MAP3K20: variants seen among roughly 807,000 people sequenced by gnomAD.
MAP3K20 encodes the protein mitogen-activated protein kinase kinase kinase 20.
Under a neutral mutation model 85.7 loss-of-function variants are expected in MAP3K20, and 40 were observed. The observed-to-expected ratio is 0.47, with a 90% CI of 0.36 to 0.61. MAP3K20 has a LOEUF of 0.61. MAP3K20 is among the 20% of genes least tolerant of loss of function. The pLI, the probability that MAP3K20 is intolerant of heterozygous loss-of-function variation, is 0.00. For missense variants in MAP3K20, 817 were observed against 961.7 expected, an observed-to-expected ratio of 0.85 and a Z score of 1.99; for synonymous variants, 325 against 327.7, an observed-to-expected ratio of 0.99 and a Z score of 0.09.
chr2:173,158,387 G>C (rs1052047325), intron 2 of MAP3K20, among the ~76,000 whole-genome samples: 2 of 152,108 alleles, frequency 1.3e-5, no homozygotes, highest in Non-Finnish European at 2.9e-5. Context: ...CAGGTGACCT[G>C]GCATCAGACT....
chr2:173,134,656 A>G (rs1417766360), intron 2 of MAP3K20, among the ~76,000 whole-genome samples: 1 of 151,166 alleles, frequency 6.6e-6, no homozygotes, highest in Non-Finnish European at 1.5e-5. Flanking sequence ...CTGGAGCTAC[A>G]TACATTGGAA....
intron 2 of MAP3K20, among the ~76,000 whole-genome samples, chr2:173,142,483 A>T (rs1274160524): frequency 6.6e-6 from 1 of 152,080 alleles, no homozygotes; most frequent in Non-Finnish European, 1.5e-5. Flanking sequence ...AAAAAAAAAA[A>T]AAAGTAGTAT....
intron 2 of MAP3K20, among the ~76,000 whole-genome samples, chr2:173,146,537 A>G (rs1445346643): frequency 1.3e-5 from 2 of 152,282 alleles, no homozygotes; most frequent in South Asian, 4.1e-4. Flanking sequence ...AAAGAAATCC[A>G]TATTCATCAA....
At chr2:173,171,114 A>G (rs1387316191) in intron 3 of MAP3K20, among the ~76,000 whole-genome samples, 5 of 152,180 alleles carry the variant, frequency 3.3e-5, no homozygotes, top group Non-Finnish European at 7.4e-5. Context: ...TCTTGAGTCT[A>G]TATTTCTTAT....
At chr2:173,167,999 C>T (rs184791585) in intron 2 of MAP3K20, among the ~76,000 whole-genome samples, 1 of 152,142 alleles carries the variant, frequency 6.6e-6, no homozygotes, top group Admixed American at 6.5e-5. Flanking sequence ...AACAGTTGGT[C>T]CTACCACTTA....
At chr2:173,229,650 T>A in intron 11 of MAP3K20, 39 bp from the exon 12 acceptor site, 2 of 1,612,392 alleles carry the variant, frequency 1.2e-6, no homozygotes, top group Non-Finnish European at 1.7e-6. Context: ...AATGATAATA[T>A]TACTTTTTTT....
At chr2:173,180,295 C>CT (rs1200866933) in intron 3 of MAP3K20, among the ~76,000 whole-genome samples, 6 of 152,124 alleles carry the variant, frequency 3.9e-5, no homozygotes, top group Non-Finnish European at 1.5e-5. Flanking sequence ...AATTAAAATT[C>CT]TAGGGAAAAA....
chr2:173,174,929 T>C (rs1215489721), intron 3 of MAP3K20, among the ~76,000 whole-genome samples: 3 of 152,208 alleles, frequency 2.0e-5, no homozygotes, highest in African/African-American at 7.2e-5. Flanking sequence ...ATTAGGATTG[T>C]TGAATATTTT....
At chr2:173,128,563 C>T (rs1248937203) in intron 2 of MAP3K20, among the ~76,000 whole-genome samples, 1 of 152,046 alleles carries the variant, frequency 6.6e-6, no homozygotes, top group Non-Finnish European at 1.5e-5. Context: ...AACTTCTGAC[C>T]TCAAGTGATC....
At chr2:173,258,385 A>G (rs1427947160) in intron 16 of MAP3K20, among the ~76,000 whole-genome samples, 1 of 152,188 alleles carries the variant, frequency 6.6e-6, no homozygotes, top group Non-Finnish European at 1.5e-5. Flanking sequence ...AAAGGTTGCC[A>G]CTTAAAGCTT....
At chr2:173,098,131 A>G (rs1687516616) in intron 2 of MAP3K20, among the ~76,000 whole-genome samples, 1 of 152,232 alleles carries the variant, frequency 6.6e-6, no homozygotes, top group African/African-American at 2.4e-5. Flanking sequence ...AAGTATATCG[A>G]TGGGACCAAT....
In MAP3K20 at chr2:173,266,622, G is replaced by A. The variant is rs775186089; in HGVS notation, c.2275G>A (p.Glu759Lys). Residue 759 changes from glutamate to lysine, a missense_variant, in exon 20 of 20, where the codon GAG becomes AAG. This residue lies in a region of MAP3K20 where 454 missense variants were observed against 476.9 expected (regional missense o/e 0.95). Coordinates refer to ENST00000375213, the MANE Select transcript of MAP3K20 (RefSeq NM_016653.3). The stretch of plus-strand genomic sequence containing the variant: ...TGAGACTGACTCAAGAGCCAGTGAA[G>A]AGGACAGCAAAGTCAGCGAAGGGGG... ...HPETDSRASE[E>K]DSKVSEGGWT... 17 of 1,613,788 alleles carry A rather than the reference G, an allele frequency of 1.1e-5. No homozygotes were observed. Among genetic ancestry groups the A allele is most frequent in the African/African-American group, 4.0e-5 (3 of 74,854 alleles).
chr2:173,124,042 C>T (rs1444268890), intron 2 of MAP3K20, among the ~76,000 whole-genome samples: 1 of 152,180 alleles, frequency 6.6e-6, no homozygotes, highest in African/African-American at 2.4e-5. Context: ...CACTTCATTG[C>T]AGTTAATCAC....
At chr2:173,180,129 T>G (rs1690282594) in intron 3 of MAP3K20, among the ~76,000 whole-genome samples, 2 of 152,104 alleles carry the variant, frequency 1.3e-5, no homozygotes, top group Admixed American at 1.3e-4. Context: ...AAAATTTACG[T>G]GGTAATGCAA....
chr2:173,205,424 G>A (rs1350837084), intron 9 of MAP3K20, among the ~76,000 whole-genome samples: 1 of 152,158 alleles, frequency 6.6e-6, no homozygotes, highest in East Asian at 1.9e-4. Context: ...TGGTGAGAAT[G>A]GAGACTGGGG....
Position 173,266,460 on chromosome 2 carries a change from C to T in MAP3K20, c.2113C>T (p.Pro705Ser). 1 of 1,614,148 alleles carries T rather than the reference C, an allele frequency of 6.2e-7. No individual in the cohort carries two copies. The highest frequency in any genetic ancestry group is 8.5e-7 in the Non-Finnish European group (1 of 1,180,020). ...RYSGKSQHST[P>S]SRGRYPGKFY... ...CAGTGGAAAGAGTCAGCATTCCACTCCTTCAAGAGGAAGATACCCTGGAAA... is the reference window on the plus strand; with the variant it reads ...CAGTGGAAAGAGTCAGCATTCCACTTCTTCAAGAGGAAGATACCCTGGAAA... The change falls in exon 20 of 20, where the codon CCT (proline) becomes TCT (serine). Residue 705 changes from proline to serine, a missense_variant. This residue lies in a region of MAP3K20 where 454 missense variants were observed against 476.9 expected (regional missense o/e 0.95). Coordinates refer to ENST00000375213, the MANE Select transcript of MAP3K20 (RefSeq NM_016653.3).
intron 14 of MAP3K20, among the ~76,000 whole-genome samples, chr2:173,235,244 A>G (rs1478921545): frequency 6.6e-6 from 1 of 152,152 alleles, no homozygotes; most frequent in Non-Finnish European, 1.5e-5. Flanking sequence ...GTTTTATGGG[A>G]TCATACTGGA....
At chr2:173,237,946 G>C (rs1183244757) in intron 14 of MAP3K20, among the ~76,000 whole-genome samples, 1 of 152,156 alleles carries the variant, frequency 6.6e-6, no homozygotes, top group African/African-American at 2.4e-5. Context: ...CAGGAGGCCA[G>C]GATTTCAAGA....
chr2:173,212,797 C>CAAAAAAAAAAAAAAA (rs61126157), intron 10 of MAP3K20: 1 of 101,050 alleles, frequency 9.9e-6, no homozygotes, highest in Admixed American at 9.2e-5. Context: ...AGATCCTATT[C>CAAAAAAAAAAAAAAA]AAAAAAAAAA....
Sources: gnomAD v4.1 joint callset for allele counts (sites outside exome capture counted in the v4.1 genomes callset) on GRCh38, gnomAD v4.1.1 for gene constraint, gnomAD v4.1.1 regional missense constraint, MANE v1.5 for transcripts, NCBI Gene and HGNC (gene_info 2026-07-23, HGNC 2026-07-21) for gene names.